Variants in DNAH10 observed in about 807,000 individuals in gnomAD.
DNAH10 encodes the protein dynein axonemal heavy chain 10, also known as axonemal beta dynein heavy chain 10.
DNAH10 carries 348 observed loss-of-function variants against 506.6 expected under a neutral mutation model. The observed-to-expected ratio is 0.69, with a 90% CI of 0.63 to 0.75. The LOEUF (loss-of-function observed/expected upper bound fraction) is 0.75. DNAH10 is among the 30% of genes least tolerant of loss of function. DNAH10 has a pLI of 0.00. For synonymous variants in DNAH10, 2,059 were observed against 2,198.6 expected, an observed-to-expected ratio of 0.94 and a Z score of 1.78; for missense variants, 5,179 against 5,787.1, an observed-to-expected ratio of 0.89 and a Z score of 3.41.
At position 123,770,256 on chromosome 12, in the gene DNAH10, T is replaced by A. The variant is rs200679130; in HGVS notation, c.299-1345T>A. 1.6e-3 allele frequency among the ~76,000 whole-genome samples: 156 copies of A among 96,984 alleles called. No individual in the cohort carries two copies. The East Asian group carries it at 0.062, about 38-fold the overall frequency. The allele number at this position is 96,984 out of a possible 152,430, so 63.6% of individuals were successfully genotyped here. On this transcript the variant is annotated intron_variant, in intron 2 of 78. Transcript: ENST00000673944. ...CAGTGAGATTTGTCTCAAAAAAAAATTTTTTTTTAAAATTTTTTTTGTAGA... is the reference window on the plus strand; with the variant it reads ...CAGTGAGATTTGTCTCAAAAAAAAAATTTTTTTTAAAATTTTTTTTGTAGA...
intron 5 of DNAH10, among the ~76,000 whole-genome samples, chr12:123,776,315 GAGAGTACCAAGAATGACT>G: frequency 6.6e-6 from 1 of 152,238 alleles, no homozygotes; most frequent in South Asian, 2.1e-4. Flanking sequence ...CACAAGAATA[GAGAGTACCAAGAATGACT>G]CTTGGTCCCA....
At position 123,850,379 on chromosome 12, in the gene DNAH10, C is replaced by G. The variant is rs1951110287; in HGVS notation, c.6103-509C>G. Among the ~76,000 whole-genome samples the G allele has an allele frequency of 6.6e-6, 1 of 152,046 alleles. No individual in the cohort carries two copies. Among genetic ancestry groups the G allele is most frequent in the Non-Finnish European group, 1.5e-5 (1 of 68,016 alleles). The stretch of plus-strand genomic sequence containing the variant: ...GGGGTTTGAGGTGGGATTCTTTAGG[C>G]AGGAGTGACTGCATGAAGTCCAGGC... On this transcript the variant is annotated intron_variant, in intron 34 of 78. Transcript: ENST00000673944. The surrounding 1 kb of genome is among the most constrained non-coding windows in gnomAD (Gnocchi z 5.5).
chr12:123,818,885 A>G, intron 21 of DNAH10, 65 bp from the exon 22 acceptor site: 2 of 1,157,502 alleles, frequency 1.7e-6, no homozygotes, highest in South Asian at 1.4e-5. Context: ...AACTTTGACC[A>G]TCAATTTCAA....
intron 5 of DNAH10, among the ~76,000 whole-genome samples, chr12:123,778,159 T>C (rs1160447718): frequency 6.6e-6 from 1 of 151,286 alleles, no homozygotes; most frequent in South Asian, 2.1e-4. Context: ...ATGGTGGTCA[T>C]GCCACTGTAC....
At position 123,864,843 on chromosome 12, in the gene DNAH10, T is replaced by G. The variant is rs577431722; in HGVS notation, c.7044+113T>G. ...TGATTATTTAAAAACAAACAATGCA[T>G]AAGGGTTTATAATGAATACAACTCT... On this transcript the variant is annotated intron_variant, in intron 40 of 78. Transcript: ENST00000673944. 41 of 1,269,012 alleles carry G rather than the reference T, an allele frequency of 3.2e-5. No homozygotes were observed. The South Asian group carries it at 4.4e-4, about 14-fold the overall frequency. The allele number at this position is 1,269,012 out of a possible 1,614,324, so 78.6% of individuals were successfully genotyped here. A position where few individuals can be genotyped will look rare whatever the true frequency, so the allele number is the denominator to read the frequency against.
At chr12:123,875,191 C>T (rs748675159) in intron 46 of DNAH10, 40 bp from the exon 47 acceptor site, 94 of 1,566,274 alleles carry the variant, frequency 6.0e-5, no homozygotes, top group South Asian at 1.4e-4. Context: ...TCCTACTTTG[C>T]GATACTACTG....
At chr12:123,770,268 A>C (rs12369137) in intron 2 of DNAH10, among the ~76,000 whole-genome samples, 2 of 151,120 alleles carry the variant, frequency 1.3e-5, no homozygotes, top group African/African-American at 4.9e-5. Flanking sequence ...TTTTTTTAAA[A>C]TTTTTTTTGT....
intron 52 of DNAH10, among the ~76,000 whole-genome samples, chr12:123,890,650 G>C (rs923838137): frequency 2.0e-5 from 3 of 152,172 alleles, no homozygotes; most frequent in Non-Finnish European, 1.5e-5. Context: ...GGGAACAGGA[G>C]TGGGAGAGGG....
At chr12:123,861,195 G>A (rs1348296997) in intron 39 of DNAH10, 25 bp downstream of exon 39, 12 of 1,611,566 alleles carry the variant, frequency 7.4e-6, no homozygotes, top group Non-Finnish European at 9.3e-6. Flanking sequence ...AGGTAGGAAA[G>A]AGCCTGGGTT....
chr12:123,880,033 C>T lies in DNAH10; in HGVS notation c.8634+232C>T, dbSNP rs1240920503. On this transcript the variant is annotated intron_variant, in intron 50 of 78. Transcript: ENST00000673944. ...CCCGTGAGATTTGCTGCGCTGGGCC[C>T]ATGGAGGGTCCCCAGATTCTGGTGC... Among the ~76,000 whole-genome samples, 7 of 152,304 alleles carry T rather than the reference C, an allele frequency of 4.6e-5. No individual in the cohort carries two copies. In the Middle Eastern group the frequency reaches 0.01, roughly 222 times the overall value.
Position 123,931,948 on chromosome 12 carries a change from C to G in DNAH10, c.13136C>G (p.Ala4379Gly). The G allele has an allele frequency of 6.2e-7, 1 of 1,614,022 alleles. No homozygotes were observed. The highest frequency in any genetic ancestry group is 8.5e-7 in the Non-Finnish European group (1 of 1,179,892). Residue 4379 changes from alanine (A) to glycine (G), a missense_variant, in exon 76 of 79, where the codon GCT (alanine) becomes GGT (glycine). Ala to Gly is a moderately conservative substitution (Grantham distance 60, BLOSUM62 0). Transcript: ENST00000673944. The stretch of plus-strand genomic sequence containing the variant: ...GCTCTTGATTCTAAATAGGCCTTGG[C>G]TGGAGAAGTTGGAATGAGCAATGAG... ...KSLAELQRAL[A>G]GEVGMSNELD...
In DNAH10 at chr12:123,928,405, G is replaced by C. The variant is rs552798194; in HGVS notation, c.12124G>C (p.Glu4042Gln). The change falls in exon 70 of 79, where the codon GAG (glutamate) becomes CAG (glutamine). Residue 4042 changes from glutamate (E) to glutamine (Q), a missense_variant. Around this residue, in one of 3 missense-constraint regions of DNAH10, gnomAD observed 4,844 missense variants for 5,430.5 expected, o/e 0.89. Transcript: ENST00000673944. This position sits in a 1 kb window ranked among gnomAD's most constrained non-coding sequence, Gnocchi z 4.9. ...GGCGCAGGTGGCCCTGCAGCTGCTG[G>C]AGACGGCGGTGGCTCGGGGGCAGTG... ...GQEKVALQLL[E>Q]TAVARGQWLM... 4.4e-5 allele frequency: 71 copies of C among 1,603,292 alleles called. No homozygotes were observed. The African/African-American group carries it at 8.9e-4, about 20-fold the overall frequency.
At chr12:123,886,934 C>G (rs762976930) in intron 51 of DNAH10, among the ~76,000 whole-genome samples, 8 of 152,180 alleles carry the variant, frequency 5.3e-5, no homozygotes, top group African/African-American at 1.2e-4. Context: ...ATTCTTCCCC[C>G]CTTTCCTCTG....
At chr12:123,881,867 G>T (rs945803231) in intron 51 of DNAH10, 54 bp downstream of exon 51, 2 of 1,410,210 alleles carry the variant, frequency 1.4e-6, no homozygotes, top group Admixed American at 3.3e-5. Flanking sequence ...TTCTGCAGTT[G>T]GTAGTTCGTG....
intron 10 of DNAH10, 27 bp from the exon 11 acceptor site, chr12:123,789,900 T>A: frequency 6.3e-7 from 1 of 1,591,586 alleles, no homozygotes; most frequent in Non-Finnish European, 8.6e-7. Flanking sequence ...AAATGTAATC[T>A]CCTCATTGTT....
chr12:123,931,234 A>G (rs1184449129), intron 73 of DNAH10, 107 bp from the exon 74 acceptor site: 2 of 1,506,904 alleles, frequency 1.3e-6, no homozygotes, highest in Non-Finnish European at 8.9e-7. Context: ...GTCACCCTCT[A>G]AACAGTGGAA....
At position 123,928,418 on chromosome 12, in the gene DNAH10, C is replaced by A; in HGVS notation, c.12137C>A (p.Ala4046Asp). 1 of 1,605,808 alleles carries A rather than the reference C, an allele frequency of 6.2e-7. No homozygotes were observed. Among genetic ancestry groups the A allele is most frequent in the Non-Finnish European group, 8.5e-7 (1 of 1,176,924 alleles). The change falls in exon 70 of 79, where the codon GCT becomes GAT. Residue 4046 changes from alanine to aspartate, a missense_variant. Coordinates refer to ENST00000673944, the MANE Select transcript of DNAH10 (RefSeq NM_001372106.1). The surrounding 1 kb of genome is among the most constrained non-coding windows in gnomAD (Gnocchi z 4.9). ...VALQLLETAV[A>D]RGQWLMLQNC... ...CTGCAGCTGCTGGAGACGGCGGTGG[C>A]TCGGGGGCAGTGGCTGATGCTGCAG...
intron 11 of DNAH10, among the ~76,000 whole-genome samples, chr12:123,791,438 C>A (rs1958076959): frequency 6.6e-6 from 1 of 152,196 alleles, no homozygotes; most frequent in Non-Finnish European, 1.5e-5. Flanking sequence ...AACCTCACAG[C>A]ATCTTTTTAT....
At chr12:123,805,070 T>TG in intron 18 of DNAH10, 30 bp downstream of exon 18, 1 of 1,609,698 alleles carries the variant, frequency 6.2e-7, no homozygotes, top group Non-Finnish European at 8.5e-7. Context: ...TGCTTTAAAA[T>TG]GGTGTGTGTA....
Sources: allele counts gnomAD v4.1 joint callset (sites outside exome capture counted in the v4.1 genomes callset), GRCh38; gene constraint gnomAD v4.1.1; regional missense constraint gnomAD v4.1.1; non-coding constraint Gnocchi (gnomAD v3.1); transcripts MANE v1.5; gene names NCBI Gene and HGNC (gene_info 2026-07-23, HGNC 2026-07-21).